Variants in MYH2 observed in about 807,000 individuals in gnomAD.
MYH2 encodes myosin-2.
Under a neutral mutation model 228.1 loss-of-function variants are expected in MYH2, and 139 were observed. The ratio of observed to expected loss-of-function variants is 0.61; its 90% confidence interval spans 0.53 to 0.70. MYH2 has a LOEUF of 0.70. Among genes scored for constraint, MYH2 ranks in the 30% least tolerant of loss-of-function variants. The pLI is 0.00. For missense variants in MYH2, 1,809 were observed against 2,357.5 expected, an observed-to-expected ratio of 0.77 and a Z score of 4.82; for synonymous variants, 796 against 871.1, an observed-to-expected ratio of 0.91 and a Z score of 1.52.
At chr17:10,534,926 G>C in intron 19 of MYH2, 147 bp downstream of exon 19, 1 of 1,019,700 alleles carries the variant, frequency 9.8e-7, no homozygotes, top group Non-Finnish European at 1.5e-6. Context: ...CAAAACAAAA[G>C]TGTTCGAGAC....
In MYH2 at chr17:10,525,607, C is replaced by G. The variant is rs1383258246; in HGVS notation, c.4381G>C (p.Glu1461Gln). Residue 1461 changes from glutamate to glutamine, a missense_variant, in exon 32 of 40, where the codon GAA becomes CAA. Transcript: ENST00000245503. The surrounding 1 kb of genome is among the most constrained non-coding windows in gnomAD (Gnocchi z 4.2). ...GTTTCCTCACATTTCTGTTTCCATT[C>G]TGCCAGGATCTGAAAAACCAAGACC... ...KQRNFDKILA[E>Q]WKQKCEETHA... The G allele has an allele frequency of 2.5e-6, 4 of 1,614,064 alleles. No homozygotes were observed. The highest frequency in any genetic ancestry group is 3.4e-6 in the Non-Finnish European group (4 of 1,180,040).
chr17:10,527,849 G>A lies in MYH2; in HGVS notation c.3770C>T (p.Thr1257Ile). The A allele has an allele frequency of 6.2e-7, 1 of 1,613,742 alleles. No homozygotes were observed. Among genetic ancestry groups the A allele is most frequent in the South Asian group, 1.1e-5 (1 of 91,084 alleles). ...AKGNLEKMCR[T>I]LEDQLSELKS... is the part of the protein sequence containing the mutation. ...CAGTTCACTCAGTTGGTCCTCTAGAGTCCGGCACATTTTCTCTAGGTTTCC... is the reference window on the plus strand; with the variant it reads ...CAGTTCACTCAGTTGGTCCTCTAGAATCCGGCACATTTTCTCTAGGTTTCC... Residue 1257 changes from threonine to isoleucine, a missense_variant, in exon 28 of 40, where the codon ACT becomes ATT. Thr to Ile is a moderately conservative substitution (Grantham distance 89). Coordinates refer to ENST00000245503, the MANE Select transcript of MYH2 (RefSeq NM_017534.6).
At chr17:10,540,273 C>T (rs377159281) in intron 11 of MYH2, among the ~76,000 whole-genome samples, 1 of 150,858 alleles carries the variant, frequency 6.6e-6, no homozygotes, top group South Asian at 2.1e-4. Flanking sequence ...AGATTCAAAA[C>T]GGGAACTTAG....
In MYH2 at chr17:10,525,387, A is replaced by G. The variant is rs748438860; in HGVS notation, c.4538-39T>C. On this transcript the variant is annotated intron_variant, in intron 32 of 39. Coordinates refer to ENST00000245503, the MANE Select transcript of MYH2 (RefSeq NM_017534.6). The surrounding 1 kb of genome is among the most constrained non-coding windows in gnomAD (Gnocchi z 4.2). The stretch of plus-strand genomic sequence containing the variant: ...AAAAGACAGGTAGGGATTTGGTTAA[A>G]CATGTGACATAAGGGAGAGATTCTT... The G allele has an allele frequency of 1.5e-5, 24 of 1,614,182 alleles. No individual in the cohort carries two copies. Among genetic ancestry groups the G allele is most frequent in the Admixed American group, 3.3e-5 (2 of 60,034 alleles).
intron 14 of MYH2, among the ~76,000 whole-genome samples, chr17:10,538,644 C>CAAA (rs201204610): frequency 2.6e-4 from 23 of 88,112 alleles, no homozygotes; most frequent in African/African-American, 9.5e-4. Context: ...GACTCCATCT[C>CAAA]AAAAAAAAAA....
chr17:10,525,142 G>A lies in MYH2; in HGVS notation c.4663-77C>T. ...TTTTTCTGCACAGCAATAATTTTGT[G>A]CTATGTGTCTTTTTATTCACTCTAT... On this transcript the variant is annotated intron_variant, in intron 33 of 39. Coordinates refer to ENST00000245503, the MANE Select transcript of MYH2 (RefSeq NM_017534.6). This position sits in a 1 kb window ranked among gnomAD's most constrained non-coding sequence, Gnocchi z 4.2. 1 of 1,613,740 alleles carries A rather than the reference G, an allele frequency of 6.2e-7. No homozygotes were observed. The highest frequency in any genetic ancestry group is 2.2e-5 in the East Asian group (1 of 44,862).
At position 10,525,762 on chromosome 17, in the gene MYH2, G is replaced by A. The variant is rs772659441; in HGVS notation, c.4302C>T (p.Leu1434=). The change falls in exon 31 of 40, where the codon CTC becomes CTT. Residue 1434 remains leucine (L), a synonymous_variant. Coordinates refer to ENST00000245503, the MANE Select transcript of MYH2 (RefSeq NM_017534.6). The surrounding 1 kb of genome is among the most constrained non-coding windows in gnomAD (Gnocchi z 4.2). Reference sequence around the variant, plus strand: ...CATTTGTCCTCTCCACATCAAGCATGAGGTCCTCGACCTCATTCTGCAGCC... The same window carrying A: ...CATTTGTCCTCTCCACATCAAGCATAAGGTCCTCGACCTCATTCTGCAGCC... ...KQRLQNEVED[L]MLDVERTNAA... 15 of 1,614,218 alleles carry A rather than the reference G, an allele frequency of 9.3e-6. No homozygotes were observed. Among genetic ancestry groups the A allele is most frequent in the Non-Finnish European group, 1.2e-5 (14 of 1,180,044 alleles).
rs1376514619 is a variant in MYH2 at position 10,546,255 on chromosome 17, T to TTATATA, written c.349-754_349-753insTATATA. Among the ~76,000 whole-genome samples, 73 of 27,150 alleles carry TTATATA rather than the reference T, an allele frequency of 2.7e-3. 5 individuals are homozygous for TTATATA. Among genetic ancestry groups the TTATATA allele is most frequent in the South Asian group, 9.6e-3 (5 of 520 alleles). The allele number at this position is 27,150 out of a possible 152,430, so 17.8% of individuals were successfully genotyped here. ...AGTTATAAGGAAACAGGACACGAAA[T>TTATATA]GATATATATATATATATATATATAT... On this transcript the variant is annotated intron_variant, in intron 4 of 39. Transcript: ENST00000245503.
intron 28 of MYH2, 119 bp downstream of exon 28, chr17:10,527,629 G>A: frequency 6.7e-7 from 1 of 1,493,556 alleles, no homozygotes. Flanking sequence ...TGTCTGAGCT[G>A]TTCAGTGAAT....
chr17:10,536,442 A>G, intron 17 of MYH2, 88 bp downstream of exon 17: 1 of 1,069,298 alleles, frequency 9.4e-7, no homozygotes, highest in Non-Finnish European at 1.4e-6. Flanking sequence ...ATATATCCTT[A>G]GAACAAAAAT....
chr17:10,530,658 G>A (rs575510759), intron 22 of MYH2, among the ~76,000 whole-genome samples: 1 of 152,124 alleles, frequency 6.6e-6, no homozygotes, highest in Non-Finnish European at 1.5e-5. Flanking sequence ...CAGGGCAGGC[G>A]GGAAATGAAG....
chr17:10,547,399 T>C, intron 4 of MYH2, 76 bp downstream of exon 4: 1 of 1,578,256 alleles, frequency 6.3e-7, no homozygotes, highest in East Asian at 2.2e-5. Flanking sequence ...CTGTGACCTA[T>C]TTATGCTCAG....
chr17:10,540,473 G>A, intron 11 of MYH2, 121 bp downstream of exon 11: 1 of 846,464 alleles, frequency 1.2e-6, no homozygotes. Context: ...GACTCCAAGG[G>A]GCATGTCCAT....
chr17:10,528,853 G>A lies in MYH2; in HGVS notation c.3581C>T (p.Thr1194Ile), dbSNP rs368068850. ...ATGCTTCTTCCTCAGGGTGGCCGCT[G>A]TGGCTTCATGCTGTAGGGTGGCCTC... ...LEEATLQHEA[T>I]AATLRKKHAD... Residue 1194 changes from threonine to isoleucine, a missense_variant, in exon 27 of 40, where the codon ACA (threonine) becomes ATA (isoleucine). This residue lies in a region of MYH2 where 636 missense variants were observed against 729.9 expected (regional missense o/e 0.87). Coordinates refer to ENST00000245503, the MANE Select transcript of MYH2 (RefSeq NM_017534.6). 6.2e-7 allele frequency: 1 copy of A among 1,614,228 alleles called. No individual in the cohort carries two copies. Among genetic ancestry groups the A allele is most frequent in the Non-Finnish European group, 8.5e-7 (1 of 1,180,052 alleles).
At chr17:10,549,210 C>T (rs1028491523) in intron 2 of MYH2, among the ~76,000 whole-genome samples, 165 bp downstream of exon 2, 12 of 152,226 alleles carry the variant, frequency 7.9e-5, no homozygotes, top group Non-Finnish European at 4.4e-5. Context: ...AGGATGTGTG[C>T]ATTGTCCTGA....
At chr17:10,548,907 A>T (rs1218210755) in intron 2 of MYH2, among the ~76,000 whole-genome samples, 1 of 152,174 alleles carries the variant, frequency 6.6e-6, no homozygotes, top group Non-Finnish European at 1.5e-5. Flanking sequence ...GGGAGGGCAG[A>T]TTAATACCTC....
intron 4 of MYH2, among the ~76,000 whole-genome samples, chr17:10,547,271 C>T (rs2073647150): frequency 6.6e-6 from 1 of 152,172 alleles, no homozygotes; most frequent in Non-Finnish European, 1.5e-5. Context: ...GGACAGCGGC[C>T]TTCCCCAGCT....
At chr17:10,540,302 T>C (rs117931669) in intron 11 of MYH2, among the ~76,000 whole-genome samples, 1 of 149,998 alleles carries the variant, frequency 6.7e-6, no homozygotes, top group East Asian at 2.0e-4. Context: ...ACAAAGATAG[T>C]AAATCTAAGG....
chr17:10,543,435 T>A (rs2073583753), intron 8 of MYH2, among the ~76,000 whole-genome samples: 1 of 152,224 alleles, frequency 6.6e-6, no homozygotes, highest in South Asian at 2.1e-4. Context: ...AAACATCACA[T>A]TGTATTTCGT....
Sources: gnomAD v4.1 joint callset for allele counts (sites outside exome capture counted in the v4.1 genomes callset) on GRCh38, gnomAD v4.1.1 for gene constraint, gnomAD v4.1.1 regional missense constraint, Gnocchi (gnomAD v3.1) non-coding constraint, MANE v1.5 for transcripts, NCBI Gene and HGNC (gene_info 2026-07-23, HGNC 2026-07-21) for gene names.